NCOR1: variants seen among roughly 807,000 people sequenced by gnomAD.
NCOR1 encodes nuclear receptor corepressor 1.
Under a neutral mutation model 288.1 loss-of-function variants are expected in NCOR1, and 63 were observed. The observed-to-expected ratio is 0.22, with a 90% CI of 0.18 to 0.27. NCOR1 has a LOEUF of 0.27. NCOR1 is among the 10% of genes least tolerant of loss of function. The pLI is 1.00. For missense variants in NCOR1, 2,397 were observed against 3,019.2 expected (o/e 0.79, Z 4.83); for synonymous variants, 1,007 against 1,065.9 (o/e 0.94, Z 1.08).
chr17:16,036,477 T>C (rs1414777671), intron 44 of NCOR1, among the ~76,000 whole-genome samples: 1 of 152,192 alleles, frequency 6.6e-6, no homozygotes, highest in Non-Finnish European at 1.5e-5. Flanking sequence ...AGTCAGCCTG[T>C]CTTTTGAAGT....
intron 1 of NCOR1, among the ~76,000 whole-genome samples, chr17:16,199,232 C>CACAA (rs2090428705): frequency 6.7e-6 from 1 of 149,156 alleles, no homozygotes; most frequent in Non-Finnish European, 1.5e-5. Flanking sequence ...CACACACACA[C>CACAA]ACACACACAC....
intron 1 of NCOR1, among the ~76,000 whole-genome samples, chr17:16,207,538 G>A (rs1464418748): frequency 7.2e-5 from 11 of 151,920 alleles, no homozygotes; most frequent in South Asian, 2.1e-4. Flanking sequence ...TCAGGAGATC[G>A]AGACCATCCT....
rs1346309612 is a variant in NCOR1 at position 16,058,489 on chromosome 17, T to C, written c.5992A>G (p.Lys1998Glu). The change falls in exon 38 of 46, where the codon AAG becomes GAG. Residue 1998 changes from lysine (K) to glutamate (E), a missense_variant. Around this residue, in one of 11 missense-constraint regions of NCOR1, gnomAD observed 1,872 missense variants for 2,187.8 expected, o/e 0.86. Coordinates refer to ENST00000268712, the MANE Select transcript of NCOR1 (RefSeq NM_006311.4). ...GACATACTTTCCGCTTGATTTGCCT[T>C]AACAACCTCTGGCTGATAGGTCTGC... ...KLQTYQPEVV[K>E]ANQAENDPTR... The C allele has an allele frequency of 3.1e-6, 5 of 1,613,426 alleles. No individual in the cohort carries two copies. Among genetic ancestry groups the C allele is most frequent in the Non-Finnish European group, 4.2e-6 (5 of 1,179,868 alleles).
At chr17:16,141,647 C>T (rs538315389) in intron 11 of NCOR1, among the ~76,000 whole-genome samples, 43 of 152,248 alleles carry the variant, frequency 2.8e-4, no homozygotes, top group Admixed American at 1.8e-3. Context: ...TACAAAGAGG[C>T]TATTTTTTCA....
At chr17:16,094,556 C>CCTCCCCT (rs201847346) in intron 21 of NCOR1, among the ~76,000 whole-genome samples, 4 of 151,748 alleles carry the variant, frequency 2.6e-5, no homozygotes, top group African/African-American at 7.3e-5. Context: ...CTCCGGCTCC[C>CCTCCCCT]CTCCCCTCTC....
At position 16,065,406 on chromosome 17, in the gene NCOR1, A is replaced by G. The variant is rs2061009493; in HGVS notation, c.4951+79T>C. On this transcript the variant is annotated intron_variant, in intron 33 of 45. Transcript: ENST00000268712. ...TTTCTTTCTTTCCATCATTCATTCAACAAGTATTTACTGAGTACCTAAGAA... is the reference window on the plus strand; with the variant it reads ...TTTCTTTCTTTCCATCATTCATTCAGCAAGTATTTACTGAGTACCTAAGAA... 2.8e-5 allele frequency: 40 copies of G among 1,416,106 alleles called. No individual in the cohort carries two copies. The South Asian group carries it at 4.3e-4, about 15-fold the overall frequency. The allele number at this position is 1,416,106 out of a possible 1,614,324, so 87.7% of individuals were successfully genotyped here. A position where few individuals can be genotyped will look rare whatever the true frequency, so the allele number is the denominator to read the frequency against.
chr17:16,073,323 A>C, intron 28 of NCOR1, 106 bp downstream of exon 28: 1 of 1,024,594 alleles, frequency 9.8e-7, no homozygotes, highest in South Asian at 2.1e-5. Flanking sequence ...ATAAATATAC[A>C]TTTCAGGTGG....
At chr17:16,067,811 A>G (rs2061309478) in intron 32 of NCOR1, 83 bp downstream of exon 32, 7 of 1,300,526 alleles carry the variant, frequency 5.4e-6, no homozygotes, top group Non-Finnish European at 7.4e-6. Flanking sequence ...CAATTGTACT[A>G]TATTGTACAA....
chr17:16,154,368 T>C (rs2079368518), intron 6 of NCOR1, among the ~76,000 whole-genome samples: 1 of 152,236 alleles, frequency 6.6e-6, no homozygotes, highest in Non-Finnish European at 1.5e-5. Flanking sequence ...CTTCAACATA[T>C]GTTCGGTATG....
intron 40 of NCOR1, among the ~76,000 whole-genome samples, chr17:16,052,959 T>C (rs1298526056): frequency 1.3e-5 from 2 of 151,974 alleles, no homozygotes; most frequent in African/African-American, 2.4e-5. Context: ...CAAATATCAA[T>C]AGATGCAGAA....
At chr17:16,170,489 G>A (rs2082924356) in intron 4 of NCOR1, among the ~76,000 whole-genome samples, 2 of 152,066 alleles carry the variant, frequency 1.3e-5, no homozygotes, top group Non-Finnish European at 2.9e-5. Context: ...TCTACTAAGT[G>A]TCAGGCACTT....
At chr17:16,210,157 G>C (rs939259193) in intron 1 of NCOR1, among the ~76,000 whole-genome samples, 1 of 152,188 alleles carries the variant, frequency 6.6e-6, no homozygotes, top group African/African-American at 2.4e-5. Flanking sequence ...GCTGAGGCGG[G>C]AGGATCACCT....
chr17:16,081,232 G>C (rs1047659952), intron 23 of NCOR1, among the ~76,000 whole-genome samples: 6 of 126,820 alleles, frequency 4.7e-5, no homozygotes, highest in Non-Finnish European at 1.0e-4. Context: ...TTTTGAGACA[G>C]AGATTTGCTC....
At chr17:16,121,480 A>G (rs1290390360) in intron 15 of NCOR1, among the ~76,000 whole-genome samples, 1 of 152,164 alleles carries the variant, frequency 6.6e-6, no homozygotes, top group Non-Finnish European at 1.5e-5. Flanking sequence ...CCTATTTTAC[A>G]TACTAATGGA....
chr17:16,030,816 G>T lies in NCOR1; in HGVS notation c.*1480C>A, dbSNP rs760371724. The T allele has an allele frequency of 4.4e-5, 8 of 183,866 alleles. No homozygotes were observed. Among genetic ancestry groups the T allele is most frequent in the Non-Finnish European group, 9.2e-5 (8 of 86,632 alleles). 11.4% of individuals were successfully genotyped at this position (183,866 alleles called of 1,614,324 possible). On this transcript the variant is annotated 3_prime_UTR_variant, in exon 46 of 46. Coordinates refer to ENST00000268712, the MANE Select transcript of NCOR1 (RefSeq NM_006311.4). Reference sequence around the variant, plus strand: ...CATAGGGATTAGACACCAGTGATAGGAGGGTCTTGGTCAGTAGCTAATCAC... The same window carrying T: ...CATAGGGATTAGACACCAGTGATAGTAGGGTCTTGGTCAGTAGCTAATCAC...
intron 2 of NCOR1, among the ~76,000 whole-genome samples, chr17:16,190,621 A>G (rs1417221998): frequency 1.3e-5 from 2 of 151,998 alleles, no homozygotes; most frequent in Admixed American, 6.6e-5. Flanking sequence ...GATTACAGGC[A>G]TGAGCTACCA....
At chr17:16,117,774 A>G (rs2072009146) in intron 18 of NCOR1, 114 bp downstream of exon 18, 1 of 1,141,122 alleles carries the variant, frequency 8.8e-7, no homozygotes. Context: ...GTGAGCCAAG[A>G]TTGCACTGCT....
At chr17:16,142,389 C>A (rs1175783359) in intron 11 of NCOR1, among the ~76,000 whole-genome samples, 2 of 151,840 alleles carry the variant, frequency 1.3e-5, no homozygotes, top group Admixed American at 1.3e-4. Context: ...TTACTTAAGG[C>A]CACTATTTCA....
chr17:16,040,239 T>C, intron 43 of NCOR1: 1 of 670,612 alleles, frequency 1.5e-6, no homozygotes. Context: ...TTTTTGTTCA[T>C]TTATCTTTTC....
Sources: allele counts gnomAD v4.1 joint callset (sites outside exome capture counted in the v4.1 genomes callset), GRCh38; gene constraint gnomAD v4.1.1; regional missense constraint gnomAD v4.1.1; transcripts MANE v1.5; gene names NCBI Gene and HGNC (gene_info 2026-07-23, HGNC 2026-07-21).